The following ZBTB4 variants were observed in gnomAD, a reference collection of about 807,000 sequenced individuals.
ZBTB4 encodes zinc finger and BTB domain-containing protein 4.
A neutral mutation model predicts 59.8 loss-of-function variants in ZBTB4; 14 were observed. That is an observed-to-expected ratio of 0.23 (90% CI 0.15 to 0.37). The LOEUF is 0.37. ZBTB4 is among the 10% of genes least tolerant of loss of function. The pLI is 1.00. For missense variants in ZBTB4, 1,198 were observed against 1,380.8 expected, an observed-to-expected ratio of 0.87 and a Z score of 2.10; for synonymous variants, 587 against 575.2, an observed-to-expected ratio of 1.02 and a Z score of -0.29.
At position 7,462,507 on chromosome 17, in the gene ZBTB4, G is replaced by C; in HGVS notation, c.2475C>G (p.Ser825=). ...KEEAPQEMQV[S]SSSGEAGGGS... ...CGCCACCTGCCTCACCGCTGGATGA[G>C]GAGACTTGCATCTCTTGGGGGGCTT... The change falls in exon 4 of 4, where the codon TCC becomes TCG. Residue 825 remains serine (S), a synonymous_variant. Transcript: ENST00000380599. The surrounding 1 kb of genome is among the most constrained non-coding windows in gnomAD (Gnocchi z 7.5). 6.2e-7 allele frequency: 1 copy of C among 1,614,034 alleles called. No individual in the cohort carries two copies. Among genetic ancestry groups the C allele is most frequent in the Non-Finnish European group, 8.5e-7 (1 of 1,180,016 alleles).
At position 7,466,506 on chromosome 17, in the gene ZBTB4, G is replaced by A. The variant is rs1377694585; in HGVS notation, c.296C>T (p.Ser99Phe). Reference sequence around the variant, plus strand: ...AGAGGAAGAAGAAGAAGAAGCAGAGGAGGAAGAAGAGGAAGAAGACGAGGA... The same window carrying A: ...AGAGGAAGAAGAAGAAGAAGCAGAGAAGGAAGAAGAGGAAGAAGACGAGGA... Reference protein sequence around the residue: ...SSSSSSSSSSSSASSSSSSSS... With the variant: ...SSSSSSSSSSFSASSSSSSSS... Residue 99 changes from serine (S) to phenylalanine (F), a missense_variant, in exon 3 of 4, where the codon TCC becomes TTC. Ser to Phe is a radical substitution (Grantham distance 155). This residue lies in a region of ZBTB4 where 83 missense variants were observed against 76.5 expected (regional missense o/e 1.09). Coordinates refer to ENST00000380599, the MANE Select transcript of ZBTB4 (RefSeq NM_001128833.2). This position sits in a 1 kb window ranked among gnomAD's most constrained non-coding sequence, Gnocchi z 9.1. The A allele has an allele frequency of 3.7e-6, 6 of 1,608,702 alleles. No individual in the cohort carries two copies. The Admixed American group carries it at 5.1e-5, about 14-fold the overall frequency.
intron 1 of ZBTB4, among the ~76,000 whole-genome samples, chr17:7,469,712 C>T (rs2070173815): frequency 6.6e-6 from 1 of 151,484 alleles, no homozygotes; most frequent in African/African-American, 2.4e-5. Flanking sequence ...CTGCAGTGAG[C>T]CGAGATCGCG....
chr17:7,465,550 G>C (rs1323555931), intron 3 of ZBTB4, among the ~76,000 whole-genome samples, 161 bp downstream of exon 3: 1 of 151,972 alleles, frequency 6.6e-6, no homozygotes, highest in East Asian at 1.9e-4. Flanking sequence ...CTGGCCACAA[G>C]CGATCCTCCC....
chr17:7,476,426 T>C (rs563633476), intron 1 of ZBTB4, among the ~76,000 whole-genome samples: 1 of 152,292 alleles, frequency 6.6e-6, no homozygotes, highest in East Asian at 1.9e-4. Context: ...AGCTAGAGGA[T>C]TGCTTGAGCC....
intron 1 of ZBTB4, among the ~76,000 whole-genome samples, chr17:7,479,051 T>C (rs1485342089): frequency 3.3e-5 from 5 of 151,828 alleles, no homozygotes; most frequent in African/African-American, 7.3e-5. Flanking sequence ...GCCTGGCTCC[T>C]ACGCCATCAC....
chr17:7,462,247 G>GC lies in ZBTB4; in HGVS notation c.2734dup (p.Ala912GlyfsTer9). 1 of 1,613,644 alleles carries GC rather than the reference G, an allele frequency of 6.2e-7. No individual in the cohort carries two copies. Among genetic ancestry groups the GC allele is most frequent in the Non-Finnish European group, 8.5e-7 (1 of 1,179,830 alleles). ...CTCAGGGTAGAAAGTGACTTTGGCA[G>GC]CCCCTATCCCCTCCATCCGGTCCCC... On this transcript the variant is annotated frameshift_variant, in exon 4 of 4. Transcript: ENST00000380599. LOFTEE classifies it high-confidence loss of function. The surrounding 1 kb of genome is among the most constrained non-coding windows in gnomAD (Gnocchi z 7.5).
rs746599905 is a variant in ZBTB4 at position 7,462,104 on chromosome 17, C to T, written c.2878G>A (p.Ala960Thr). The T allele has an allele frequency of 1.2e-6, 2 of 1,609,792 alleles. No individual in the cohort carries two copies. Among genetic ancestry groups the T allele is most frequent in the Admixed American group, 1.7e-5 (1 of 59,588 alleles). Residue 960 changes from alanine to threonine, a missense_variant, in exon 4 of 4, where the codon GCC (alanine) becomes ACC (threonine). Physicochemically the swap from Ala to Thr is moderately conservative, Grantham distance 58. Transcript: ENST00000380599. The surrounding 1 kb of genome is among the most constrained non-coding windows in gnomAD (Gnocchi z 7.5). ...MVLPDEKGAGALPFLPGVFGY... is the reference protein window; with the variant it reads ...MVLPDEKGAGTLPFLPGVFGY... ...AAGACCCCTGGTAGGAAGGGAAGGG[C>T]CCCCGCACCCTTCTCATCAGGTAGG... is the stretch of plus-strand genomic sequence containing the variant.
rs375990313 is a variant in ZBTB4 at position 7,465,907 on chromosome 17, C to T, written c.895G>A (p.Val299Met). The change falls in exon 3 of 4, where the codon GTG (valine) becomes ATG (methionine). Residue 299 changes from valine (V) to methionine (M), a missense_variant. Physicochemically the swap from Val to Met is conservative, Grantham distance 21. This residue lies in a region of ZBTB4 where 204 missense variants were observed against 205.5 expected (regional missense o/e 0.99). Transcript: ENST00000380599. ...PVGFRGGPEH[V>M]VKVVGGHVLY... ...ACGTGGCCGCCCACCACCTTCACCA[C>T]GTGCTCGGGGCCCCCTCGGAAGCCC... The T allele has an allele frequency of 6.5e-5, 105 of 1,612,162 alleles. No homozygotes were observed. Among genetic ancestry groups the T allele is most frequent in the African/African-American group, 1.9e-4 (14 of 74,896 alleles).
upstream of ZBTB4, chr17:7,481,544 G>C: frequency 6.5e-7 from 1 of 1,527,108 alleles, no homozygotes. Flanking sequence ...CAGGGGCCTA[G>C]TACTCCCTCC....
Position 7,463,068 on chromosome 17 carries a change from C to T in ZBTB4, c.1914G>A (p.Glu638=). 2 of 1,611,232 alleles carry T rather than the reference C, an allele frequency of 1.2e-6. No homozygotes were observed. Among genetic ancestry groups the T allele is most frequent in the African/African-American group, 1.3e-5 (1 of 75,054 alleles). The change falls in exon 4 of 4, where the codon GAG becomes GAA. Residue 638 remains glutamate (E), a synonymous_variant. Coordinates refer to ENST00000380599, the MANE Select transcript of ZBTB4 (RefSeq NM_001128833.2). ...CCTCTTCGTCCTCCTCCTCTTCGTC[C>T]TCCTCACTCTCCTCCATCTCCTCTC... ...LSGEEMEESE[E]DEEEEDEEEE...
chr17:7,478,956 C>T (rs2070306196), intron 1 of ZBTB4, among the ~76,000 whole-genome samples: 1 of 152,202 alleles, frequency 6.6e-6, no homozygotes, highest in South Asian at 2.1e-4. Flanking sequence ...CCCGACGGCG[C>T]GGCGGTTCCG....
At chr17:7,472,804 T>C (rs1210562548) in intron 1 of ZBTB4, among the ~76,000 whole-genome samples, 1 of 151,228 alleles carries the variant, frequency 6.6e-6, no homozygotes. Context: ...CAATGCCCAG[T>C]TAATTTATTT....
Position 7,478,071 on chromosome 17 carries a change from A to G in ZBTB4, c.-81+1385T>C, listed in dbSNP as rs182518918. On this transcript the variant is annotated intron_variant, in intron 1 of 3. Transcript: ENST00000380599. ...TTAAGCACACAGACGGCAGGCACGC[A>G]CACACAGCCTGCTTGCGGCTGGCCT... 7.5e-3 allele frequency among the ~76,000 whole-genome samples: 1,146 copies of G among 152,144 alleles called. 68 individuals carry two copies. The highest frequency in any genetic ancestry group is 0.071 in the Admixed American group (1,079 of 15,270).
rs1597764839 is a variant in ZBTB4 at position 7,463,734 on chromosome 17, G to A, written c.1248C>T (p.Arg416=). 1 of 1,614,016 alleles carries A rather than the reference G, an allele frequency of 6.2e-7. No homozygotes were observed. The highest frequency in any genetic ancestry group is 8.5e-7 in the Non-Finnish European group (1 of 1,180,002). ...KPKLNTLKLY[R]LLPMRAAKRP... is the part of the protein sequence containing the mutation. ...GCTTGGCTGCCCGCATGGGGAGCAG[G>A]CGGTAGAGCTTGAGTGTATTGAGCT... Residue 416 remains arginine (R), a synonymous_variant, in exon 4 of 4, where the codon CGC becomes CGT. Coordinates refer to ENST00000380599, the MANE Select transcript of ZBTB4 (RefSeq NM_001128833.2).
chr17:7,482,746 T>C (rs754969676), upstream of ZBTB4: 23 of 1,611,656 alleles, frequency 1.4e-5, no homozygotes, highest in Non-Finnish European at 1.7e-5. Context: ...CGAGTTGGAG[T>C]TGTGTGGGGG....
At chr17:7,474,769 TG>T (rs1394837123) in intron 1 of ZBTB4, among the ~76,000 whole-genome samples, 5 of 151,920 alleles carry the variant, frequency 3.3e-5, no homozygotes, top group Admixed American at 2.6e-4. Context: ...CCCAGCACTT[TG>T]GGAGGCTGAG....
rs555090833 is a variant in ZBTB4, at chr17:7,468,477, G to C, written c.-80-1150C>G. On this transcript the variant is annotated intron_variant, in intron 1 of 3. Coordinates refer to ENST00000380599, the MANE Select transcript of ZBTB4 (RefSeq NM_001128833.2). ...ACCGCGCAGCCACCTTCCCCTGCAG[G>C]CACCATCAGGGCCTTGAAGACTCTT... Among the ~76,000 whole-genome samples, 6 of 152,324 alleles carry C rather than the reference G, an allele frequency of 3.9e-5. 1 individual carries two copies. The East Asian group carries it at 1.2e-3, about 29-fold the overall frequency.
In ZBTB4 at chr17:7,466,355, T is replaced by G. The variant is rs772588482; in HGVS notation, c.447A>C (p.Ala149=). 6.2e-7 allele frequency: 1 copy of G among 1,613,774 alleles called. No homozygotes were observed. The highest frequency in any genetic ancestry group is 8.5e-7 in the Non-Finnish European group (1 of 1,179,972). The change falls in exon 3 of 4, where the codon GCA becomes GCC. Residue 149 remains alanine (A), a synonymous_variant. Transcript: ENST00000380599. This position sits in a 1 kb window ranked among gnomAD's most constrained non-coding sequence, Gnocchi z 9.1. ...VLNFIYSARL[A]LPGGGGDGAA... is the part of the protein sequence containing the mutation. The stretch of plus-strand genomic sequence containing the variant: ...CCCCGTCCCCTCCACCACCAGGCAG[T>G]GCGAGCCGGGCGCTGTAGATGAAGT...
chr17:7,483,280 G>A (rs1428739802), upstream of ZBTB4: 13 of 573,906 alleles, frequency 2.3e-5, no homozygotes, highest in Non-Finnish European at 3.3e-5. Context: ...GAGGCAGGGA[G>A]GCCGTGGGCC....
Sources: allele counts gnomAD v4.1 joint callset (sites outside exome capture counted in the v4.1 genomes callset), GRCh38; gene constraint gnomAD v4.1.1; regional missense constraint gnomAD v4.1.1; non-coding constraint Gnocchi (gnomAD v3.1); transcripts MANE v1.5; gene names NCBI Gene and HGNC (gene_info 2026-07-23, HGNC 2026-07-21).